Variants in TNXB observed in about 807,000 individuals in gnomAD.
TNXB encodes tenascin XB.
A neutral mutation model predicts 340.5 loss-of-function variants in TNXB; 183 were observed. That is an observed-to-expected ratio of 0.54 (90% CI 0.48 to 0.61). The LOEUF is 0.61. Among genes scored for constraint, TNXB ranks in the 20% least tolerant of loss-of-function variants. The pLI, the probability that TNXB is intolerant of heterozygous loss-of-function variation, is 0.00. For synonymous variants in TNXB, 2,121 were observed against 2,314.5 expected (o/e 0.92, Z 2.40); for missense variants, 4,613 against 5,446.4 (o/e 0.85, Z 4.82).
intron 23 of TNXB, among the ~76,000 whole-genome samples, 176 bp from the exon 24 acceptor site, chr6:32,056,350 AG>A (rs1328901484): frequency 6.6e-6 from 1 of 152,140 alleles, no homozygotes; most frequent in Non-Finnish European, 1.5e-5. Context: ...GACAAGTTCC[AG>A]GGTCAGCTGT....
At chr6:32,095,292 TCC>T in intron 3 of TNXB, 101 bp from the exon 4 acceptor site, 1 of 888,624 alleles carries the variant, frequency 1.1e-6, no homozygotes, top group East Asian at 2.7e-5. Flanking sequence ...CCATCCTAAC[TCC>T]CACTCCTCTC....
rs1779597296 is a variant in TNXB, at chr6:32,083,572, G to GTACACCTT, written c.3445+840_3445+841insAAGGTGTA. Among the ~76,000 whole-genome samples, 16 of 152,104 alleles carry GTACACCTT rather than the reference G, an allele frequency of 1.1e-4. No individual in the cohort carries two copies. Among genetic ancestry groups the GTACACCTT allele is most frequent in the Admixed American group, 1.0e-3 (16 of 15,256 alleles). On this transcript the variant is annotated intron_variant, in intron 8 of 43. Transcript: ENST00000644971. The surrounding 1 kb of genome is among the most constrained non-coding windows in gnomAD (Gnocchi z 4.6). ...GGACTGTCTCATCCAGAACCCTGGG[G>GTACACCTT]GCTGCCTGGTACACCTTGCTTTCCT...
Position 32,049,321 on chromosome 6 carries a change from C to T in TNXB, c.9706G>A (p.Gly3236Ser), listed in dbSNP as rs573579857. The change falls in exon 28 of 44, where the codon GGC becomes AGC. Residue 3236 changes from glycine to serine, a missense_variant. Around this residue, in one of 7 missense-constraint regions of TNXB, gnomAD observed 4,327 missense variants for 4,859.4 expected, o/e 0.89. Coordinates refer to ENST00000644971, the MANE Select transcript of TNXB (RefSeq NM_001365276.2). This position sits in a 1 kb window ranked among gnomAD's most constrained non-coding sequence, Gnocchi z 4.5. ...CCCACGCGCTGCCCCTCGTGGAGGCCGTACAGATGCATCTTGTATTTGCGC... is the reference window on the plus strand; with the variant it reads ...CCCACGCGCTGCCCCTCGTGGAGGCTGTACAGATGCATCTTGTATTTGCGC... ...PGRKYKMHLY[G>S]LHEGQRVGPV... The T allele has an allele frequency of 2.7e-5, 44 of 1,612,326 alleles. No homozygotes were observed. The highest frequency in any genetic ancestry group is 1.7e-4 in the Admixed American group (10 of 59,998).
Position 32,095,688 on chromosome 6 carries a change from T to C in TNXB, c.2165A>G (p.Asp722Gly). The C allele has an allele frequency of 6.2e-7, 1 of 1,613,902 alleles. No homozygotes were observed. The change falls in exon 3 of 44, where the codon GAC becomes GGC. Residue 722 changes from aspartate to glycine, a missense_variant. By Grantham distance (94) the Asp-to-Gly change is moderately conservative. Around this residue, in one of 7 missense-constraint regions of TNXB, gnomAD observed 4,327 missense variants for 4,859.4 expected, o/e 0.89. Coordinates refer to ENST00000644971, the MANE Select transcript of TNXB (RefSeq NM_001365276.2). ...PDCAIQTCPG[D>G]CRGRGECHDG... ...GTGACACTCTCCTCGGCCACGGCAG[T>C]CCCCTGGGCATGTCTGGATGGCACA...
rs1257331554 is a variant in TNXB at position 32,056,850 on chromosome 6, T to C, written c.7879A>G (p.Ile2627Val). 2 of 1,612,734 alleles carry C rather than the reference T, an allele frequency of 1.2e-6. No individual in the cohort carries two copies. The highest frequency in any genetic ancestry group is 1.7e-6 in the Non-Finnish European group (2 of 1,179,766). ...AVPTMTPEPP[I>V]KPRLGELTMT... The stretch of plus-strand genomic sequence containing the variant: ...GTCAGCTCCCCCAGGCGAGGCTTGA[T>C]GGGGGGCTCAGGGGTCATGGTAGGC... Residue 2627 changes from isoleucine to valine, a missense_variant, in exon 23 of 44, where the codon ATC becomes GTC. By Grantham distance (29) the Ile-to-Val change is conservative. Around this residue, in one of 7 missense-constraint regions of TNXB, gnomAD observed 4,327 missense variants for 4,859.4 expected, o/e 0.89. Coordinates refer to ENST00000644971, the MANE Select transcript of TNXB (RefSeq NM_001365276.2).
In TNXB at chr6:32,097,429, G is replaced by A; in HGVS notation, c.424C>T (p.Leu142Phe). The part of the protein sequence containing the change: ...AGTGQTDVRT[L>F]CSLHGVFDLS... The stretch of plus-strand genomic sequence containing the variant: ...TCAAACACACCATGGAGACTGCAGA[G>A]GGTCCGCACATCTGTCTGACCTGGA... Residue 142 changes from leucine (L) to phenylalanine (F), a missense_variant, in exon 3 of 44, where the codon CTC becomes TTC. By Grantham distance (22) the Leu-to-Phe change is conservative (BLOSUM62 0). Coordinates refer to ENST00000644971, the MANE Select transcript of TNXB (RefSeq NM_001365276.2). This position sits in a 1 kb window ranked among gnomAD's most constrained non-coding sequence, Gnocchi z 5.9. The A allele has an allele frequency of 6.3e-7, 1 of 1,599,692 alleles. No homozygotes were observed.
rs778135466 is a variant in TNXB, at chr6:32,072,207, G to A, written c.4773C>T (p.Asp1591=). The A allele has an allele frequency of 1.9e-6, 3 of 1,612,222 alleles. No individual in the cohort carries two copies. In the Admixed American group the frequency reaches 5.0e-5, roughly 27 times the overall value. The part of the protein sequence containing the change: ...GELTVTDITP[D]SVGLSWTVPE... The stretch of plus-strand genomic sequence containing the variant: ...GGACTGTCCATGAGAGGCCCACAGA[G>A]TCAGGGGTTATATCCGTCACTGTCA... Residue 1591 remains aspartate (D), a synonymous_variant, in exon 13 of 44, where the codon GAC becomes GAT. Coordinates refer to ENST00000644971, the MANE Select transcript of TNXB (RefSeq NM_001365276.2). This position sits in a 1 kb window ranked among gnomAD's most constrained non-coding sequence, Gnocchi z 4.4.
rs1159476111 is a variant in TNXB, at chr6:32,051,036, C to A, written c.9116-715G>T. On this transcript the variant is annotated intron_variant, in intron 26 of 43. Coordinates refer to ENST00000644971, the MANE Select transcript of TNXB (RefSeq NM_001365276.2). The surrounding 1 kb of genome is among the most constrained non-coding windows in gnomAD (Gnocchi z 4.7). ...CCCACACTTCAGGACTATCTATTCA[C>A]TGCAAAGGACACCCCACTCAATCCT... is the stretch of plus-strand genomic sequence containing the variant. 6.6e-6 allele frequency among the ~76,000 whole-genome samples: 1 copy of A among 152,218 alleles called. No individual in the cohort carries two copies. Among genetic ancestry groups the A allele is most frequent in the African/African-American group, 2.4e-5 (1 of 41,450 alleles).
At chr6:32,055,472 C>G (rs898720292) in intron 24 of TNXB, among the ~76,000 whole-genome samples, 1 of 152,132 alleles carries the variant, frequency 6.6e-6, no homozygotes, top group Non-Finnish European at 1.5e-5. Flanking sequence ...GTGCAGTCGA[C>G]GCGCTGCCCC....
Position 32,058,131 on chromosome 6 carries a change from G to A in TNXB, c.7752C>T (p.Arg2584=). 1.2e-6 allele frequency: 2 copies of A among 1,612,686 alleles called. No individual in the cohort carries two copies. The highest frequency in any genetic ancestry group is 1.7e-6 in the Non-Finnish European group (2 of 1,179,802). Residue 2584 remains arginine, a synonymous_variant, in exon 22 of 44, where the codon CGC becomes CGT. Coordinates refer to ENST00000644971, the MANE Select transcript of TNXB (RefSeq NM_001365276.2). This position sits in a 1 kb window ranked among gnomAD's most constrained non-coding sequence, Gnocchi z 5.1. The stretch of plus-strand genomic sequence containing the variant: ...GGCCGTACAGGTGCATCTTGTACTT[G>A]CGCCCAGGCTCCAGGCCCCTCACAG... ...KVTVRGLEPG[R]KYKMHLYGLH...
chr6:32,086,115 G>T lies in TNXB; in HGVS notation c.2783C>A (p.Ser928Tyr), dbSNP rs756778483. 1,335 of 1,516,236 alleles carry T rather than the reference G, an allele frequency of 8.8e-4. No individual in the cohort carries two copies. The highest frequency in any genetic ancestry group is 1.1e-3 in the Non-Finnish European group (1,269 of 1,128,908). 93.9% of individuals were successfully genotyped at this position (1,516,236 alleles called of 1,614,324 possible). ...AGTCCCCAAGAGGCCCAAGGGTGAGGACCCTGGGAAGGGGCAGGGTGAGAA... is the reference window on the plus strand; with the variant it reads ...AGTCCCCAAGAGGCCCAAGGGTGAGTACCCTGGGAAGGGGCAGGGTGAGAA... Reference protein sequence around the residue: ...YPASVRANTGSSPLGLLGTTD... With the variant: ...YPASVRANTGYSPLGLLGTTD... Residue 928 changes from serine to tyrosine, a missense_variant, in exon 7 of 44, where the codon TCC (serine) becomes TAC (tyrosine). Coordinates refer to ENST00000644971, the MANE Select transcript of TNXB (RefSeq NM_001365276.2).
rs1316522449 is a variant in TNXB, at chr6:32,067,001, G to A, written c.6544+660C>T. On this transcript the variant is annotated intron_variant, in intron 18 of 43. Coordinates refer to ENST00000644971, the MANE Select transcript of TNXB (RefSeq NM_001365276.2). The surrounding 1 kb of genome is among the most constrained non-coding windows in gnomAD (Gnocchi z 4.2). ...TGGGAGGATCCCTTAAGCCCAGGAG[G>A]TTGAGGCTGCAGTGCAGTGAATTGT... 2.0e-5 allele frequency among the ~76,000 whole-genome samples: 3 copies of A among 152,030 alleles called. No homozygotes were observed. Among genetic ancestry groups the A allele is most frequent in the African/African-American group, 4.8e-5 (2 of 41,372 alleles).
At position 32,088,699 on chromosome 6, in the gene TNXB, T is replaced by C. The variant is rs957245532; in HGVS notation, c.2779+86A>G. The C allele has an allele frequency of 5.3e-6, 8 of 1,496,072 alleles. No homozygotes were observed. The African/African-American group carries it at 1.1e-4, about 21-fold the overall frequency. 92.7% of individuals were successfully genotyped at this position (1,496,072 alleles called of 1,614,324 possible). ...CACCTGCCAGAAGCATTCAGAGGAG[T>C]CTGTGAGCCCTGAGCCTGGGCTCCT... On this transcript the variant is annotated intron_variant, in intron 6 of 43. Transcript: ENST00000644971.
At chr6:32,063,087 A>T (rs1432287029) in intron 19 of TNXB, among the ~76,000 whole-genome samples, 2 of 141,204 alleles carry the variant, frequency 1.4e-5, no homozygotes, top group African/African-American at 5.3e-5. Context: ...CAAACAAACA[A>T]ACAAAAAACA....
chr6:32,099,946 TAA>T (rs34833929), intron 1 of TNXB, among the ~76,000 whole-genome samples: 30 of 62,826 alleles, frequency 4.8e-4, no homozygotes, highest in Admixed American at 2.3e-3. Context: ...CATCCCTAAG[TAA>T]AAAAAAAAAA....
chr6:32,101,384 G>A (rs55643759), intron 1 of TNXB, among the ~76,000 whole-genome samples: 7 of 152,014 alleles, frequency 4.6e-5, no homozygotes, highest in African/African-American at 1.7e-4. Flanking sequence ...TGCCTACCAG[G>A]TTCATGCCAT....
Position 32,097,832 on chromosome 6 carries a change from C to A in TNXB, c.367G>T (p.Gly123Trp). ...LVKGLKEQCT[G>W]GCCPASAQAG... is the part of the protein sequence containing the mutation. ...TGGGCAGAGGCAGGACAACATCCCC[C>A]AGTGCACTGTTCCTTGAGCCCCTTC... is the stretch of plus-strand genomic sequence containing the variant. Residue 123 changes from glycine (G) to tryptophan (W), a missense_variant, in exon 2 of 44, where the codon GGG becomes TGG. This residue lies in a region of TNXB where 4,327 missense variants were observed against 4,859.4 expected (regional missense o/e 0.89). Coordinates refer to ENST00000644971, the MANE Select transcript of TNXB (RefSeq NM_001365276.2). The surrounding 1 kb of genome is among the most constrained non-coding windows in gnomAD (Gnocchi z 5.9). 6.6e-7 allele frequency: 1 copy of A among 1,521,946 alleles called. No homozygotes were observed. The highest frequency in any genetic ancestry group is 8.8e-7 in the Non-Finnish European group (1 of 1,131,054). 94.3% of individuals were successfully genotyped at this position (1,521,946 alleles called of 1,614,324 possible).
intron 25 of TNXB, 112 bp downstream of exon 25, chr6:32,053,276 A>T (rs1354419742): frequency 6.8e-7 from 1 of 1,478,482 alleles, no homozygotes; most frequent in South Asian, 1.3e-5. Context: ...AAGACAAAAA[A>T]GTACCATGGC....
At chr6:32,100,231 A>AGTAGCGGGGATTACAGGCATCTGCTCC (rs2127297624) in intron 1 of TNXB, among the ~76,000 whole-genome samples, 1 of 152,010 alleles carries the variant, frequency 6.6e-6, no homozygotes, top group South Asian at 2.1e-4. Context: ...CAGCCTCCTG[A>AGTAGCGGGGATTACAGGCATCTGCTCC]GTAGCGGGGA....
Sources: gnomAD v4.1 joint callset for allele counts (sites outside exome capture counted in the v4.1 genomes callset) on GRCh38, gnomAD v4.1.1 for gene constraint, gnomAD v4.1.1 regional missense constraint, Gnocchi (gnomAD v3.1) non-coding constraint, MANE v1.5 for transcripts, NCBI Gene and HGNC (gene_info 2026-07-23, HGNC 2026-07-21) for gene names.